Variants in TMEM74 observed in about 807,000 individuals in gnomAD.
TMEM74 encodes the protein transmembrane protein 74.
Under a neutral mutation model 18.1 loss-of-function variants are expected in TMEM74, and 13 were observed. That is an observed-to-expected ratio of 0.72 (90% CI 0.47 to 1.14). TMEM74 has a LOEUF of 1.14. Ranked by LOEUF, TMEM74 falls within the 50% of genes most tolerant of loss-of-function variation. TMEM74 has a pLI of 0.00. For missense variants in TMEM74, 372 were observed against 375.9 expected (o/e 0.99, Z 0.09); for synonymous variants, 159 against 146.6 (o/e 1.08, Z -0.61).
chr8:108,710,050 T>C (rs1813458993), intron 1 of TMEM74, among the ~76,000 whole-genome samples: 1 of 152,200 alleles, frequency 6.6e-6, no homozygotes, highest in Non-Finnish European at 1.5e-5. Context: ...CAGGTTTTCA[T>C]CTGTAAGATG....
chr8:108,765,407 C>CCTTTTTTTTTTTT (rs71564020), intron 1 of TMEM74, among the ~76,000 whole-genome samples: 1 of 120,732 alleles, frequency 8.3e-6, no homozygotes, highest in Non-Finnish European at 1.7e-5. Flanking sequence ...TTTGGAACTA[C>CCTTTTTTTTTTTT]TTTTTTTTTT....
intron 1 of TMEM74, among the ~76,000 whole-genome samples, chr8:108,683,604 T>C (rs755208474): frequency 3.9e-5 from 6 of 151,974 alleles, no homozygotes; most frequent in Admixed American, 1.3e-4. Context: ...AATTGCCAAA[T>C]AAACATTGTA....
At chr8:108,661,569 GC>G (rs1227319812) in intron 1 of TMEM74, among the ~76,000 whole-genome samples, 49 of 152,044 alleles carry the variant, frequency 3.2e-4, no homozygotes, top group African/African-American at 1.1e-3. Flanking sequence ...TGTTTATGGA[GC>G]AGCAGCTTGA....
intron 1 of TMEM74, among the ~76,000 whole-genome samples, chr8:108,683,846 T>C (rs1032267704): frequency 6.6e-6 from 1 of 152,100 alleles, no homozygotes; most frequent in Non-Finnish European, 1.5e-5. Flanking sequence ...AGTGAGAACA[T>C]GCAATGTTTA....
intron 1 of TMEM74, among the ~76,000 whole-genome samples, chr8:108,667,609 T>C (rs1376289603): frequency 6.6e-6 from 1 of 152,186 alleles, no homozygotes; most frequent in Non-Finnish European, 1.5e-5. Context: ...ATAATATAGT[T>C]ATGATAAAGG....
intron 1 of TMEM74, among the ~76,000 whole-genome samples, chr8:108,758,070 G>A (rs570755907): frequency 2.0e-4 from 31 of 152,048 alleles, no homozygotes; most frequent in African/African-American, 3.4e-4. Context: ...AGGCTCTATC[G>A]TTTAATGAAT....
chr8:108,727,879 T>G, intron 1 of TMEM74, among the ~76,000 whole-genome samples: 1 of 152,198 alleles, frequency 6.6e-6, no homozygotes, highest in Non-Finnish European at 1.5e-5. Context: ...AGGAAGTAAG[T>G]CAGGGGAATG....
At chr8:108,672,197 T>C (rs1331699590) in intron 1 of TMEM74, among the ~76,000 whole-genome samples, 5 of 152,150 alleles carry the variant, frequency 3.3e-5, no homozygotes, top group Non-Finnish European at 4.4e-5. Flanking sequence ...TGCTAGTACA[T>C]GGATCCTTCT....
chr8:108,752,010 T>C (rs1435806327), intron 1 of TMEM74, among the ~76,000 whole-genome samples: 1 of 151,982 alleles, frequency 6.6e-6, no homozygotes, highest in Non-Finnish European at 1.5e-5. Flanking sequence ...GTCGTGAACA[T>C]GACAACAGTG....
intron 1 of TMEM74, among the ~76,000 whole-genome samples, chr8:108,670,889 T>TC (rs1812999152): frequency 1.3e-5 from 2 of 152,168 alleles, no homozygotes; most frequent in Admixed American, 1.3e-4. Context: ...AACTCCAAAA[T>TC]CCCCATAAGA....
chr8:108,693,056 A>G (rs1813246505), intron 1 of TMEM74, among the ~76,000 whole-genome samples: 1 of 152,200 alleles, frequency 6.6e-6, no homozygotes, highest in South Asian at 2.1e-4. Context: ...GGATGATGAA[A>G]TGAGGCAGCC....
intron 1 of TMEM74, among the ~76,000 whole-genome samples, chr8:108,736,291 C>T (rs148534180): frequency 4.6e-5 from 7 of 152,168 alleles, no homozygotes; most frequent in African/African-American, 1.2e-4. Context: ...TGAAATTACA[C>T]GGGGCTTTCT....
chr8:108,702,324 G>A (rs1482280081), intron 1 of TMEM74, among the ~76,000 whole-genome samples: 2 of 138,748 alleles, frequency 1.4e-5, no homozygotes, highest in African/African-American at 2.8e-5. Context: ...CAGCCCTGGC[G>A]ACGGTGTGAG....
chr8:108,700,733 C>T (rs1336924920), intron 1 of TMEM74, among the ~76,000 whole-genome samples: 2 of 152,134 alleles, frequency 1.3e-5, no homozygotes, highest in Admixed American at 6.5e-5. Flanking sequence ...CTTTAAAATG[C>T]CATTTTTGGA....
At chr8:108,741,547 GA>G (rs1813800944) in intron 1 of TMEM74, among the ~76,000 whole-genome samples, 1 of 152,070 alleles carries the variant, frequency 6.6e-6, no homozygotes. Context: ...CAGCCCAACT[GA>G]AATGTAAATT....
At chr8:108,614,385 T>A (rs896551528) in intron 2 of TMEM74, among the ~76,000 whole-genome samples, 1 of 152,168 alleles carries the variant, frequency 6.6e-6, no homozygotes, top group African/African-American at 2.4e-5. Flanking sequence ...TTTAGCTTAA[T>A]TTTAAGAATA....
At chr8:108,624,158 T>G (rs1057444992) in intron 2 of TMEM74, among the ~76,000 whole-genome samples, 2 of 152,096 alleles carry the variant, frequency 1.3e-5, no homozygotes, top group African/African-American at 4.8e-5. Flanking sequence ...AATTTTGACC[T>G]CCTTTTATAG....
chr8:108,750,072 A>G (rs1156337378), intron 1 of TMEM74, among the ~76,000 whole-genome samples: 1 of 152,102 alleles, frequency 6.6e-6, no homozygotes, highest in African/African-American at 2.4e-5. Context: ...CCTTTTCAGC[A>G]GCATTTTCAA....
In TMEM74 at chr8:108,782,748, T is replaced by C. The variant is rs968670348; in HGVS notation, c.*1433A>G. Among the ~76,000 whole-genome samples, 2 of 152,234 alleles carry C rather than the reference T, an allele frequency of 1.3e-5. No homozygotes were observed. Among genetic ancestry groups the C allele is most frequent in the Non-Finnish European group, 2.9e-5 (2 of 68,040 alleles). On this transcript the variant is annotated 3_prime_UTR_variant, in exon 2 of 2. Transcript: ENST00000297459. ...CCAATTCCCAGCTCCTGTCCTCTTT[T>C]TAAGAATGACCCCCTGATCCTGGTA...
Sources: allele counts gnomAD v4.1 joint callset (sites outside exome capture counted in the v4.1 genomes callset), GRCh38; gene constraint gnomAD v4.1.1; transcripts MANE v1.5; gene names NCBI Gene and HGNC (gene_info 2026-07-23, HGNC 2026-07-21).